The following FBXO5 variants were observed in gnomAD, a reference collection of about 807,000 sequenced individuals.
The protein encoded by FBXO5 is F-box protein 5, also known as F-box only protein 5.
A neutral mutation model predicts 43.3 loss-of-function variants in FBXO5; 8 were observed. The ratio of observed to expected loss-of-function variants is 0.18; its 90% CI spans 0.11 to 0.33. The LOEUF (loss-of-function observed/expected upper bound fraction) is 0.33, where lower values mean the gene tolerates loss of function less well. Among genes scored for constraint, FBXO5 ranks in the 10% least tolerant of loss-of-function variants. The pLI, the probability that FBXO5 is intolerant of heterozygous loss-of-function variation, is 1.00. For missense variants in FBXO5, 491 were observed against 535.7 expected (o/e 0.92, Z 0.82); for synonymous variants, 204 against 193.7 (o/e 1.05, Z -0.44).
intron 1 of FBXO5, among the ~76,000 whole-genome samples, chr6:152,976,458 T>C (rs760344278): frequency 8.5e-5 from 13 of 152,160 alleles, no homozygotes; most frequent in Non-Finnish European, 1.6e-4. Context: ...CTGTACCTTG[T>C]CTAATATGTG....
At chr6:152,976,679 G>A (rs1438144839) in intron 1 of FBXO5, among the ~76,000 whole-genome samples, 1 of 152,146 alleles carries the variant, frequency 6.6e-6, no homozygotes, top group African/African-American at 2.4e-5. Context: ...AGATAAACTT[G>A]CTATTAATGA....
rs761337242 is a variant in FBXO5, at chr6:152,982,898, G to C, written c.62C>G (p.Pro21Arg). The C allele has an allele frequency of 6.6e-7, 1 of 1,505,006 alleles. No homozygotes were observed. 93.2% of individuals were successfully genotyped at this position (1,505,006 alleles called of 1,614,324 possible). A position where few individuals can be genotyped will look rare whatever the true frequency, so the allele number is the denominator to read the frequency against. Reference sequence around the variant, plus strand: ...GCGCCCGGCGGCTGTCACTGCGCTGGGGCTGGCGCTGCAGGAGCAGCGGGG... The same window carrying C: ...GCGCCCGGCGGCTGTCACTGCGCTGCGGCTGGCGCTGCAGGAGCAGCGGGG... ...RPPRCSCSAS[P>R]SAVTAAGRPR... Residue 21 changes from proline (P) to arginine (R), a missense_variant, in exon 1 of 5, where the codon CCC becomes CGC. Coordinates refer to ENST00000229758, the MANE Select transcript of FBXO5 (RefSeq NM_012177.5).
At chr6:152,973,015 T>G (rs370586059) in intron 3 of FBXO5, 31 bp downstream of exon 3, 332 of 1,573,592 alleles carry the variant, frequency 2.1e-4, no homozygotes, top group Non-Finnish European at 2.8e-4. Context: ...CAGTGCATTT[T>G]TAACTAAAAA....
rs181032960 is a variant in FBXO5, at chr6:152,974,787, G to C, written c.818+120C>G. ...ACATCTGAAATCCTTCTGGTACTAA[G>C]CATTTCAGATGAGGGACACTCAACC... On this transcript the variant is annotated intron_variant, in intron 2 of 4. Transcript: ENST00000229758. The C allele has an allele frequency of 2.3e-4, 174 of 746,564 alleles. No individual in the cohort carries two copies. In the African/African-American group the frequency reaches 2.8e-3, roughly 12 times the overall value. The allele number at this position is 746,564 out of a possible 1,614,324, so 46.2% of individuals were successfully genotyped here.
chr6:152,972,080 C>T (rs552359122), intron 4 of FBXO5, among the ~76,000 whole-genome samples, 192 bp downstream of exon 4: 13 of 152,038 alleles, frequency 8.6e-5, no homozygotes, highest in Non-Finnish European at 1.5e-4. Context: ...GAAGAGGACA[C>T]TAATGAAATC....
chr6:152,971,625 G>A (rs1367860319), intron 4 of FBXO5, among the ~76,000 whole-genome samples: 4 of 152,040 alleles, frequency 2.6e-5, no homozygotes, highest in Admixed American at 2.0e-4. Flanking sequence ...TCTGTATGTT[G>A]CATTAGTCAT....
chr6:152,982,744 A>G (rs6923860), intron 1 of FBXO5, 113 bp downstream of exon 1: 122,609 of 687,140 alleles, frequency 0.18, 11,719 homozygotes, highest in African/African-American at 0.29. Flanking sequence ...GGCGTGTGGC[A>G]TGGCCGCGCG....
In FBXO5 at chr6:152,972,299, A is replaced by G. The variant is rs1778098076; in HGVS notation, c.1065T>C (p.Thr355=). 3 of 1,611,984 alleles carry G rather than the reference A, an allele frequency of 1.9e-6. No homozygotes were observed. Among genetic ancestry groups the G allele is most frequent in the African/African-American group, 2.7e-5 (2 of 74,892 alleles). Residue 355 remains threonine, a synonymous_variant, in exon 4 of 5, where the codon ACT becomes ACC. Coordinates refer to ENST00000229758, the MANE Select transcript of FBXO5 (RefSeq NM_012177.5). ...CAGAGAATTCATTGTGTCGACTATAAGTAGAACCTTTCTGATCACCTTGAT... is the reference window on the plus strand; with the variant it reads ...CAGAGAATTCATTGTGTCGACTATAGGTAGAACCTTTCTGATCACCTTGAT... ...LSNQGDQKGS[T]YSRHNEFSEV... is the part of the protein sequence containing the mutation.
At chr6:152,972,236 TTA>T in intron 4 of FBXO5, 34 bp downstream of exon 4, 1 of 1,489,014 alleles carries the variant, frequency 6.7e-7, no homozygotes, top group Non-Finnish European at 9.2e-7. Flanking sequence ...TCTAAATCTC[TTA>T]TGTTTTAAGA....
At chr6:152,972,499 G>T in intron 3 of FBXO5, 45 bp from the exon 4 acceptor site, 1 of 1,341,322 alleles carries the variant, frequency 7.5e-7, no homozygotes, top group Non-Finnish European at 1.0e-6. Flanking sequence ...ATTATTTCCT[G>T]TATCCTCAAT....
At chr6:152,981,926 G>C (rs1463037715) in intron 1 of FBXO5, among the ~76,000 whole-genome samples, 1 of 152,132 alleles carries the variant, frequency 6.6e-6, no homozygotes, top group East Asian at 1.9e-4. Flanking sequence ...ATAAGCATTT[G>C]AGTGCATTCC....
intron 1 of FBXO5, among the ~76,000 whole-genome samples, chr6:152,976,660 A>C (rs1211237423): frequency 6.6e-6 from 1 of 152,220 alleles, no homozygotes; most frequent in Non-Finnish European, 1.5e-5. Flanking sequence ...AATTGCTTTA[A>C]ATAACTTAAG....
intron 3 of FBXO5, chr6:152,972,799 G>C: frequency 2.0e-6 from 1 of 492,800 alleles, no homozygotes; most frequent in African/African-American, 1.9e-5. Context: ...CTAAATGGTC[G>C]ACTCTATCTG....
chr6:152,982,247 A>G lies in FBXO5; in HGVS notation c.103+610T>C, dbSNP rs1018738434. On this transcript the variant is annotated intron_variant, in intron 1 of 4. Coordinates refer to ENST00000229758, the MANE Select transcript of FBXO5 (RefSeq NM_012177.5). Reference sequence around the variant, plus strand: ...GGGGAGGGAGACCCTGGAACTCCTGAGGGATCGGTGGGGCTGCCCCTCAGG... The same window carrying G: ...GGGGAGGGAGACCCTGGAACTCCTGGGGGATCGGTGGGGCTGCCCCTCAGG... 3.3e-5 allele frequency among the ~76,000 whole-genome samples: 5 copies of G among 152,148 alleles called. No homozygotes were observed. The South Asian group carries it at 1.0e-3, about 31-fold the overall frequency.
chr6:152,983,099 C>T, upstream of FBXO5: 1 of 484,432 alleles, frequency 2.1e-6, no homozygotes, highest in South Asian at 4.0e-5. Flanking sequence ...CCTAAATCCG[C>T]GCGGTCCAAT....
Position 152,982,887 on chromosome 6 carries a change from T to C in FBXO5, c.73A>G (p.Thr25Ala). 6.6e-7 allele frequency: 1 copy of C among 1,513,424 alleles called. No homozygotes were observed. The highest frequency in any genetic ancestry group is 8.8e-7 in the Non-Finnish European group (1 of 1,137,618). 93.7% of individuals were successfully genotyped at this position (1,513,424 alleles called of 1,614,324 possible). The part of the protein sequence containing the change: ...CSCSASPSAV[T>A]AAGRPRPSDS... Reference sequence around the variant, plus strand: ...GAGGGTCGAGGGCGCCCGGCGGCTGTCACTGCGCTGGGGCTGGCGCTGCAG... The same window carrying C: ...GAGGGTCGAGGGCGCCCGGCGGCTGCCACTGCGCTGGGGCTGGCGCTGCAG... Residue 25 changes from threonine to alanine, a missense_variant, in exon 1 of 5, where the codon ACA (threonine) becomes GCA (alanine). By Grantham distance (58) the Thr-to-Ala change is moderately conservative (BLOSUM62 0). Transcript: ENST00000229758.
At chr6:152,973,328 GCT>G in intron 2 of FBXO5, 192 bp from the exon 3 acceptor site, 1 of 532,552 alleles carries the variant, frequency 1.9e-6, no homozygotes, top group Admixed American at 3.1e-5. Context: ...TTTTTAAAAA[GCT>G]CCCTCCTCAT....
intron 1 of FBXO5, among the ~76,000 whole-genome samples, chr6:152,977,289 T>G (rs1778183617): frequency 6.6e-6 from 1 of 151,512 alleles, no homozygotes; most frequent in Non-Finnish European, 1.5e-5. Flanking sequence ...GCTAACAATT[T>G]ATCCTGTAAG....
At chr6:152,980,781 G>A (rs1454246718) in intron 1 of FBXO5, among the ~76,000 whole-genome samples, 1 of 152,064 alleles carries the variant, frequency 6.6e-6, no homozygotes, top group Non-Finnish European at 1.5e-5. Flanking sequence ...AAACACCCTG[G>A]GGTTTAAGTC....
Sources: gnomAD v4.1 joint callset for allele counts (sites outside exome capture counted in the v4.1 genomes callset) on GRCh38, gnomAD v4.1.1 for gene constraint, MANE v1.5 for transcripts, NCBI Gene and HGNC (gene_info 2026-07-23, HGNC 2026-07-21) for gene names.